VIPR1: variants seen among roughly 807,000 people sequenced by gnomAD.
VIPR1 encodes vasoactive intestinal polypeptide receptor 1.
VIPR1 carries 59 observed loss-of-function variants against 58.8 expected under a neutral mutation model. The observed-to-expected ratio is 1.00, with a 90% CI of 0.81 to 1.25. The LOEUF (loss-of-function observed/expected upper bound fraction) is 1.25, where lower values mean the gene tolerates loss of function less well. Among genes scored for constraint, VIPR1 ranks in the 50% most tolerant of loss-of-function variants. The pLI is 0.00. For synonymous variants in VIPR1, 251 were observed against 242.1 expected (o/e 1.04, Z -0.34); for missense variants, 626 against 602.7 (o/e 1.04, Z -0.40).
At chr3:42,520,758 G>T (rs141777358) in intron 3 of VIPR1, among the ~76,000 whole-genome samples, 1 of 152,122 alleles carries the variant, frequency 6.6e-6, no homozygotes, top group East Asian at 1.9e-4. Context: ...CAGTTTCCCC[G>T]TTTGTAAAGT....
rs771905036 is a variant in VIPR1, at chr3:42,531,878, C to A, written c.918+9C>A. On this transcript the variant is annotated intron_variant, in intron 9 of 12. Coordinates refer to ENST00000325123, the MANE Select transcript of VIPR1 (RefSeq NM_004624.4). Reference sequence around the variant, plus strand: ...TCCTCACCTCCATCTTGGTAAGATACCCTCCCACCACCTAGAGATGGGGAA... The same window carrying A: ...TCCTCACCTCCATCTTGGTAAGATAACCTCCCACCACCTAGAGATGGGGAA... 6.2e-7 allele frequency: 1 copy of A among 1,614,024 alleles called. No homozygotes were observed. The highest frequency in any genetic ancestry group is 8.5e-7 in the Non-Finnish European group (1 of 1,179,992).
chr3:42,525,782 G>A, intron 3 of VIPR1, 105 bp from the exon 4 acceptor site: 1 of 1,194,566 alleles, frequency 8.4e-7, no homozygotes, highest in South Asian at 1.5e-5. Context: ...CAGCACCAGG[G>A]TTGGTGGGAG....
rs1699920683 is a variant in VIPR1, at chr3:42,502,702, C to T, written c.-34C>T. On this transcript the variant is annotated 5_prime_UTR_variant, in exon 1 of 13. Coordinates refer to ENST00000325123, the MANE Select transcript of VIPR1 (RefSeq NM_004624.4). ...GCGCCGCCCGCCAGCTCTTTGCCCG[C>T]GCGGGGCCGCCCGCCGCGGGCTCAG... 4 of 1,277,364 alleles carry T rather than the reference C, an allele frequency of 3.1e-6. No homozygotes were observed. The highest frequency in any genetic ancestry group is 8.4e-5 in the Admixed American group (2 of 23,828). The allele number at this position is 1,277,364 out of a possible 1,614,324, so 79.1% of individuals were successfully genotyped here.
At chr3:42,514,531 G>A (rs1038517701) in intron 2 of VIPR1, among the ~76,000 whole-genome samples, 14 of 140,782 alleles carry the variant, frequency 9.9e-5, no homozygotes, top group Admixed American at 8.0e-4. Context: ...CCAGAGGACC[G>A]ATAGTGACAC....
chr3:42,491,115 C>T (rs1699657159), intron 1 of VIPR1, among the ~76,000 whole-genome samples: 2 of 152,198 alleles, frequency 1.3e-5, no homozygotes, highest in Admixed American at 1.3e-4. Flanking sequence ...GAACCCACAA[C>T]CCAGTTTCTT....
intron 2 of VIPR1, among the ~76,000 whole-genome samples, chr3:42,515,362 C>A (rs6799248): frequency 0.066 from 9,987 of 152,252 alleles, 875 homozygotes; most frequent in African/African-American, 0.21. Flanking sequence ...GCATGGGTCA[C>A]GGGGTGGCTG....
chr3:42,532,247 C>A lies in VIPR1; in HGVS notation c.924C>A (p.Asn308Lys), dbSNP rs917140010. 6.8e-6 allele frequency: 11 copies of A among 1,614,064 alleles called. No homozygotes were observed. The highest frequency in any genetic ancestry group is 1.7e-5 in the Admixed American group (1 of 60,000). Residue 308 changes from asparagine (N) to lysine (K), a missense_variant, in exon 10 of 13, where the codon AAC (asparagine) becomes AAA (lysine). Coordinates refer to ENST00000325123, the MANE Select transcript of VIPR1 (RefSeq NM_004624.4). Reference sequence around the variant, plus strand: ...CTCGGGTCCCCACCCACTAGGTAAACTTCATCCTGTTTATTTGCATCATCC... The same window carrying A: ...CTCGGGTCCCCACCCACTAGGTAAAATTCATCCTGTTTATTTGCATCATCC... ...KGPILTSILVNFILFICIIRI... is the reference protein window; with the variant it reads ...KGPILTSILVKFILFICIIRI...
chr3:42,526,889 C>A (rs1473320704), intron 4 of VIPR1, among the ~76,000 whole-genome samples: 1 of 152,126 alleles, frequency 6.6e-6, no homozygotes, highest in Non-Finnish European at 1.5e-5. Context: ...ATCCCACCGA[C>A]CCCAACTCCC....
At chr3:42,533,955 C>A (rs1440895059) in intron 10 of VIPR1, 1 of 152,398 alleles carries the variant, frequency 6.6e-6, no homozygotes, top group African/African-American at 2.4e-5. Context: ...CCCCACCTCT[C>A]CTAGCCAGGG....
intron 1 of VIPR1, among the ~76,000 whole-genome samples, chr3:42,510,528 G>C (rs1700311490): frequency 6.6e-6 from 1 of 152,268 alleles, no homozygotes; most frequent in Non-Finnish European, 1.5e-5. Flanking sequence ...CCCTGGCCCG[G>C]TCCCTCAAAG....
At chr3:42,522,750 TG>T (rs1701016937) in intron 3 of VIPR1, among the ~76,000 whole-genome samples, 1 of 151,904 alleles carries the variant, frequency 6.6e-6, no homozygotes, top group Admixed American at 6.5e-5. Context: ...GAGGTGGTGG[TG>T]GTGCTGGGGA....
At chr3:42,490,459 G>A (rs1186311012) in intron 1 of VIPR1, among the ~76,000 whole-genome samples, 3 of 152,222 alleles carry the variant, frequency 2.0e-5, no homozygotes, top group African/African-American at 4.8e-5. Flanking sequence ...CGAGAGAGGC[G>A]TGCATAGCTG....
intron 3 of VIPR1, among the ~76,000 whole-genome samples, chr3:42,524,426 G>C (rs1052907268): frequency 1.3e-5 from 2 of 152,204 alleles, no homozygotes; most frequent in Non-Finnish European, 1.5e-5. Context: ...AACTGGCCCA[G>C]TCCAATGCCC....
chr3:42,528,312 CA>C, intron 6 of VIPR1, 189 bp downstream of exon 6: 1 of 774,752 alleles, frequency 1.3e-6, no homozygotes. Flanking sequence ...TCCCCTCCGG[CA>C]ACAGGAGATG....
chr3:42,497,381 T>C (rs950503715), intron 1 of VIPR1, among the ~76,000 whole-genome samples: 1 of 152,156 alleles, frequency 6.6e-6, no homozygotes, highest in Admixed American at 6.5e-5. Context: ...TGGAAGTAGA[T>C]GTGTCTGTAT....
rs183447700 is a variant in VIPR1, at chr3:42,513,414, G to T, written c.79-335G>T. 1.2e-4 allele frequency: 29 copies of T among 250,884 alleles called. 2 individuals are homozygous for T. In the East Asian group the frequency reaches 2.7e-3, roughly 23 times the overall value. 15.5% of individuals were successfully genotyped at this position (250,884 alleles called of 1,614,324 possible). A position where few individuals can be genotyped will look rare whatever the true frequency, so the allele number is the denominator to read the frequency against. ...GACTCTCAAACCAAGCTGGAGAGTG[G>T]CAGAGTCCAGAGGGCCAGCTCAGGC... On this transcript the variant is annotated intron_variant, in intron 1 of 12. Coordinates refer to ENST00000325123, the MANE Select transcript of VIPR1 (RefSeq NM_004624.4).
chr3:42,507,081 A>T lies in VIPR1; in HGVS notation c.78+4268A>T, dbSNP rs543604321. Reference sequence around the variant, plus strand: ...CTGACCTTTTACCCCAAATCATTTCAGAATGCATCTCTAAAACCAAAGGAC... The same window carrying T: ...CTGACCTTTTACCCCAAATCATTTCTGAATGCATCTCTAAAACCAAAGGAC... On this transcript the variant is annotated intron_variant, in intron 1 of 12. Coordinates refer to ENST00000325123, the MANE Select transcript of VIPR1 (RefSeq NM_004624.4). The T allele has an allele frequency of 2.1e-4, 32 of 152,368 alleles. 1 individual carries two copies. The highest frequency in any genetic ancestry group is 3.4e-3 in the Middle Eastern group (1 of 294). 9.4% of individuals were successfully genotyped at this position (152,368 alleles called of 1,614,324 possible).
In VIPR1 at chr3:42,532,303, A is replaced by G. The variant is rs1431191697; in HGVS notation, c.980A>G (p.Asp327Gly). Residue 327 changes from aspartate (D) to glycine (G), a missense_variant, in exon 10 of 13, where the codon GAT becomes GGT. Physicochemically the swap from Asp to Gly is moderately conservative, Grantham distance 94 (BLOSUM62 -1). Transcript: ENST00000325123. ...CTGCTTCAGAAACTGCGGCCCCCAG[A>G]TATCAGGAAGAGTGACAGCAGTCCA... ...RILLQKLRPP[D>G]IRKSDSSPYS... The G allele has an allele frequency of 1.1e-5, 18 of 1,614,104 alleles. No individual in the cohort carries two copies. The highest frequency in any genetic ancestry group is 1.4e-5 in the Non-Finnish European group (16 of 1,180,014).
chr3:42,497,353 T>C (rs993399146), intron 1 of VIPR1, among the ~76,000 whole-genome samples: 37 of 152,304 alleles, frequency 2.4e-4, no homozygotes, highest in African/African-American at 8.4e-4. Context: ...GGCCAAGCCC[T>C]GCTCTCAGAC....
Sources: gnomAD v4.1 joint callset for allele counts (sites outside exome capture counted in the v4.1 genomes callset) on GRCh38, gnomAD v4.1.1 for gene constraint, MANE v1.5 for transcripts, NCBI Gene and HGNC (gene_info 2026-07-23, HGNC 2026-07-21) for gene names.